Variants in TPCN1 observed in about 807,000 individuals in gnomAD.
TPCN1 encodes two pore channel protein 1.
TPCN1 carries 52 observed loss-of-function variants against 108.8 expected under a neutral mutation model. The observed-to-expected ratio is 0.48, with a 90% CI of 0.38 to 0.60. TPCN1 has a LOEUF of 0.60. Ranked by LOEUF, TPCN1 falls within the 20% of genes least tolerant of loss-of-function variation. The pLI, the probability that TPCN1 is intolerant of heterozygous loss-of-function variation, is 0.00. For missense variants in TPCN1, 806 were observed against 1,072.8 expected, an observed-to-expected ratio of 0.75 and a Z score of 3.47; for synonymous variants, 446 against 433.7, an observed-to-expected ratio of 1.03 and a Z score of -0.35.
rs1955589652 is a variant in TPCN1, at chr12:113,273,926, A to AG, written c.942+260dup. 6.6e-6 allele frequency among the ~76,000 whole-genome samples: 1 copy of AG among 152,192 alleles called. No individual in the cohort carries two copies. The highest frequency in any genetic ancestry group is 1.5e-5 in the Non-Finnish European group (1 of 68,032). ...GCTGGTAGTGCTGGATGTGAAACCCAGGCAACCCTGGGACCTTTTCATTCT... is the reference window on the plus strand; with the variant it reads ...GCTGGTAGTGCTGGATGTGAAACCCAGGGCAACCCTGGGACCTTTTCATTCT... On this transcript the variant is annotated intron_variant, in intron 10 of 27. Transcript: ENST00000335509. The surrounding 1 kb of genome is among the most constrained non-coding windows in gnomAD (Gnocchi z 4.0).
chr12:113,294,802 C>G, intron 27 of TPCN1, among the ~76,000 whole-genome samples: 1 of 152,200 alleles, frequency 6.6e-6, no homozygotes, highest in East Asian at 1.9e-4. Flanking sequence ...GTCTTCTCAA[C>G]CACCTCAGGG....
intron 2 of TPCN1, among the ~76,000 whole-genome samples, chr12:113,258,762 CAG>C (rs1009831585): frequency 1.3e-5 from 2 of 152,078 alleles, no homozygotes; most frequent in African/African-American, 2.4e-5. Flanking sequence ...TTCTGGGTGA[CAG>C]AGTGAGATCT....
At chr12:113,242,758 C>T (rs1007813474) in intron 2 of TPCN1, among the ~76,000 whole-genome samples, 2 of 152,158 alleles carry the variant, frequency 1.3e-5, no homozygotes, top group African/African-American at 4.8e-5. Context: ...TGCCACTCAC[C>T]CCATCCCCAT....
At chr12:113,292,711 C>CT (rs1228206176) in intron 25 of TPCN1, 1 of 506,340 alleles carries the variant, frequency 2.0e-6, no homozygotes, top group Non-Finnish European at 3.5e-6. Context: ...CTGAAACCCT[C>CT]TGGCCCTGTA....
intron 2 of TPCN1, chr12:113,244,338 G>A (rs1954265320): frequency 1.0e-6 from 1 of 985,388 alleles, no homozygotes; most frequent in South Asian, 4.7e-5. Flanking sequence ...GGAGGGCTCT[G>A]TGCCAGTTCT....
rs1955695143 is a variant in TPCN1, at chr12:113,276,957, G to A, written c.981G>A (p.Glu327=). The stretch of plus-strand genomic sequence containing the variant: ...TGTTCGACACCTTCAATGACATTGA[G>A]AAACGCAAGTTCAAGTCTTTGCTAC... The part of the protein sequence containing the change: ...AVVFDTFNDI[E]KRKFKSLLLH... The change falls in exon 11 of 28, where the codon GAG becomes GAA. Residue 327 remains glutamate (E), a synonymous_variant. Transcript: ENST00000335509. 2 of 1,613,920 alleles carry A rather than the reference G, an allele frequency of 1.2e-6. No individual in the cohort carries two copies. Among genetic ancestry groups the A allele is most frequent in the African/African-American group, 2.7e-5 (2 of 74,924 alleles).
At chr12:113,262,101 T>C (rs1399198168) in intron 3 of TPCN1, among the ~76,000 whole-genome samples, 1 of 152,218 alleles carries the variant, frequency 6.6e-6, no homozygotes, top group African/African-American at 2.4e-5. Context: ...GATGAGGAAA[T>C]AGACTTTTTC....
chr12:113,242,216 G>T (rs182359822), intron 2 of TPCN1, among the ~76,000 whole-genome samples: 24 of 152,364 alleles, frequency 1.6e-4, no homozygotes, highest in African/African-American at 5.8e-4. Context: ...TGCCCATGCA[G>T]AATGTTTGCA....
Position 113,269,692 on chromosome 12 carries a change from AAGG to A in TPCN1, c.660-59_660-57del. 7.2e-7 allele frequency: 1 copy of A among 1,393,526 alleles called. No individual in the cohort carries two copies. The highest frequency in any genetic ancestry group is 1.0e-6 in the Non-Finnish European group (1 of 989,552). The allele number at this position is 1,393,526 out of a possible 1,614,324, so 86.3% of individuals were successfully genotyped here. A position where few individuals can be genotyped will look rare whatever the true frequency, so the allele number is the denominator to read the frequency against. On this transcript the variant is annotated intron_variant, in intron 6 of 27. Transcript: ENST00000335509. The surrounding 1 kb of genome is among the most constrained non-coding windows in gnomAD (Gnocchi z 5.0). ...AGAAGCACTAGGCCTCCATCTCAACAAGGAGGAGTCCCAGGCAGCCCGCCCCAG... is the reference window on the plus strand; with the variant it reads ...AGAAGCACTAGGCCTCCATCTCAACAAGGAGTCCCAGGCAGCCCGCCCCAG...
At chr12:113,295,732 G>A (rs763561797) in intron 27 of TPCN1, among the ~76,000 whole-genome samples, 4 of 152,146 alleles carry the variant, frequency 2.6e-5, no homozygotes, top group East Asian at 1.9e-4. Context: ...GCTGTTATGC[G>A]CAAACCTCCA....
At position 113,272,635 on chromosome 12, in the gene TPCN1, T is replaced by G; in HGVS notation, c.749-23T>G. On this transcript the variant is annotated intron_variant, in intron 7 of 27. Transcript: ENST00000335509. This position sits in a 1 kb window ranked among gnomAD's most constrained non-coding sequence, Gnocchi z 4.1. ...GGACCTCTGCTCTAATCCTTTTGTT[T>G]ATCTGTTTCCACCCACTTCTAGGTT... is the stretch of plus-strand genomic sequence containing the variant. The G allele has an allele frequency of 6.2e-7, 1 of 1,612,054 alleles. No homozygotes were observed. The highest frequency in any genetic ancestry group is 1.3e-5 in the African/African-American group (1 of 75,014).
Position 113,290,179 on chromosome 12 carries a change from C to A in TPCN1, c.1848C>A (p.Asn616Lys). The A allele has an allele frequency of 6.2e-7, 1 of 1,608,028 alleles. No homozygotes were observed. The highest frequency in any genetic ancestry group is 8.5e-7 in the Non-Finnish European group (1 of 1,177,032). Residue 616 changes from asparagine (N) to lysine (K), a missense_variant, in exon 22 of 28, where the codon AAC (asparagine) becomes AAA (lysine). By Grantham distance (94) the Asn-to-Lys change is moderately conservative. Transcript: ENST00000335509. ...AYRWRNHTVGNRTVVEEGYYY... is the reference protein window; with the variant it reads ...AYRWRNHTVGKRTVVEEGYYY... ...GCTGGCGCAACCACACCGTGGGCAA[C>A]AGGACCGTGGTGGAGGAAGGCTACT...
chr12:113,261,753 A>G (rs1326943313), intron 3 of TPCN1, among the ~76,000 whole-genome samples: 1 of 152,188 alleles, frequency 6.6e-6, no homozygotes, highest in Non-Finnish European at 1.5e-5. Context: ...AAATTATATC[A>G]GGTAAATTAT....
chr12:113,232,722 G>A lies in TPCN1; in HGVS notation c.112+5758G>A, dbSNP rs1953733526. On this transcript the variant is annotated intron_variant, in intron 2 of 27. Coordinates refer to ENST00000335509, the MANE Select transcript of TPCN1 (RefSeq NM_017901.6). The surrounding 1 kb of genome is among the most constrained non-coding windows in gnomAD (Gnocchi z 5.6). ...CAGTAGAGTCGTCATGGGGGATTGA[G>A]TGAGAGCATGTGTGTGATCACATGG... Among the ~76,000 whole-genome samples, 1 of 152,206 alleles carries A rather than the reference G, an allele frequency of 6.6e-6. No individual in the cohort carries two copies. Among genetic ancestry groups the A allele is most frequent in the Non-Finnish European group, 1.5e-5 (1 of 68,034 alleles).
At position 113,292,987 on chromosome 12, in the gene TPCN1, G is replaced by A. The variant is rs534081134; in HGVS notation, c.2167G>A (p.Val723Ile). 2.9e-5 allele frequency: 46 copies of A among 1,613,368 alleles called. No homozygotes were observed. Among genetic ancestry groups the A allele is most frequent in the South Asian group, 6.6e-5 (6 of 91,076 alleles). Residue 723 changes from valine (V) to isoleucine (I), a missense_variant, in exon 26 of 28, where the codon GTC becomes ATC. Val to Ile is a conservative substitution (Grantham distance 29). Transcript: ENST00000335509. Reference sequence around the variant, plus strand: ...AATCTCCAAAGAAGAGCTGGTTGCCGTCCTGGAGCTCTACCGGGAGGCACG... The same window carrying A: ...AATCTCCAAAGAAGAGCTGGTTGCCATCCTGGAGCTCTACCGGGAGGCACG... ...KEISKEELVA[V>I]LELYREARGA... is the part of the protein sequence containing the mutation.
rs577454452 is a variant in TPCN1, at chr12:113,244,627, C to T, written c.113-15741C>T. 43 of 985,446 alleles carry T rather than the reference C, an allele frequency of 4.4e-5. 1 individual carries two copies. In the African/African-American group the frequency reaches 5.2e-4, roughly 12 times the overall value. The allele number at this position is 985,446 out of a possible 1,614,324, so 61.0% of individuals were successfully genotyped here. On this transcript the variant is annotated intron_variant, in intron 2 of 27. Transcript: ENST00000335509. ...CAGTGTCACTCTGGTTTATTTTCCT[C>T]TCCTCTTTGAGCTCTTTCCCATGGT... is the stretch of plus-strand genomic sequence containing the variant.
chr12:113,278,368 C>T, intron 13 of TPCN1, 131 bp downstream of exon 13: 1 of 821,694 alleles, frequency 1.2e-6, no homozygotes, highest in Non-Finnish European at 2.1e-6. Flanking sequence ...TGGCATGGTA[C>T]ACTTCAGGGA....
Position 113,288,040 on chromosome 12 carries a change from T to A in TPCN1, c.1635-123T>A, listed in dbSNP as rs1956142441. On this transcript the variant is annotated intron_variant, in intron 19 of 27. Coordinates refer to ENST00000335509, the MANE Select transcript of TPCN1 (RefSeq NM_017901.6). This position sits in a 1 kb window ranked among gnomAD's most constrained non-coding sequence, Gnocchi z 4.8. ...TGGCGCCCAAGGGAGTGGACGCAGG[T>A]GGAGGAGAGGCCCTCACCTGTCTTC... 1 of 912,664 alleles carries A rather than the reference T, an allele frequency of 1.1e-6. No individual in the cohort carries two copies. The highest frequency in any genetic ancestry group is 1.6e-5 in the South Asian group (1 of 61,420). The allele number at this position is 912,664 out of a possible 1,614,324, so 56.5% of individuals were successfully genotyped here.
chr12:113,284,889 T>C lies in TPCN1; in HGVS notation c.1453+118T>C, dbSNP rs1370389665. On this transcript the variant is annotated intron_variant, in intron 17 of 27. Coordinates refer to ENST00000335509, the MANE Select transcript of TPCN1 (RefSeq NM_017901.6). The surrounding 1 kb of genome is among the most constrained non-coding windows in gnomAD (Gnocchi z 4.1). ...AACAGGAAGCTATAAAGAGACGGAG[T>C]AATCAGTCTGATTCCATCTCGTCCC... 8.5e-7 allele frequency: 1 copy of C among 1,174,028 alleles called. No homozygotes were observed. The allele number at this position is 1,174,028 out of a possible 1,614,324, so 72.7% of individuals were successfully genotyped here.
Sources: allele counts gnomAD v4.1 joint callset (sites outside exome capture counted in the v4.1 genomes callset), GRCh38; gene constraint gnomAD v4.1.1; non-coding constraint Gnocchi (gnomAD v3.1); transcripts MANE v1.5; gene names NCBI Gene and HGNC (gene_info 2026-07-23, HGNC 2026-07-21).